ZNF143: variants seen among roughly 807,000 people sequenced by gnomAD.
ZNF143 encodes zinc finger protein 143.
In ZNF143, 49 loss-of-function variants were observed where a neutral mutation model predicts 74.1. The observed-to-expected ratio is 0.66, with a 90% confidence interval of 0.53 to 0.84. The LOEUF (loss-of-function observed/expected upper bound fraction) is 0.84. Ranked by LOEUF, ZNF143 falls within the 40% of genes least tolerant of loss-of-function variation. The probability of loss-of-function intolerance (pLI) is 0.00; values close to 1 mark genes in which losing one functional copy is unlikely to be tolerated. For missense variants in ZNF143, 637 were observed against 793.4 expected (o/e 0.80, Z 2.37); for synonymous variants, 304 against 282.8 (o/e 1.07, Z -0.75).
Position 9,483,185 on chromosome 11 carries a change from G to A in ZNF143, c.645+3639G>A, listed in dbSNP as rs1847317460. On this transcript the variant is annotated intron_variant, in intron 7 of 15. Transcript: ENST00000396602. ...ATTTTTGTATTTTTAGTAGAGATGA[G>A]GTTTCGTCATGTTGACCAGGTTGGT... 1.3e-5 allele frequency among the ~76,000 whole-genome samples: 2 copies of A among 149,228 alleles called. 1 individual carries two copies. The highest frequency in any genetic ancestry group is 5.0e-5 in the African/African-American group (2 of 39,880).
chr11:9,474,516 A>G, intron 4 of ZNF143, 34 bp from the exon 5 acceptor site: 1 of 1,610,010 alleles, frequency 6.2e-7, no homozygotes, highest in Non-Finnish European at 8.5e-7. Flanking sequence ...TGTGCTAGAA[A>G]ACATGAGATC....
In ZNF143 at chr11:9,525,255, C is replaced by T; in HGVS notation, c.1702C>T (p.Gln568Ter). ...TEGEQVAIVA[Q>*]DLAAFHTASS... ...TTTGCTTAAGGTTGCAATTGTAGCT[C>T]AAGACTTGGCAGCATTCCATACTGC... The change falls in exon 15 of 16, where the codon CAA (glutamine) becomes TAA (stop). Residue 568 changes from glutamine to a stop codon, truncating the protein, a stop_gained. Transcript: ENST00000396602. LOFTEE classifies it high-confidence loss of function. 1 of 1,614,114 alleles carries T rather than the reference C, an allele frequency of 6.2e-7. No individual in the cohort carries two copies. Among genetic ancestry groups the T allele is most frequent in the Non-Finnish European group, 8.5e-7 (1 of 1,180,014 alleles).
chr11:9,474,014 A>G lies in ZNF143; in HGVS notation c.279A>G (p.Ile93Met). 1 of 1,611,954 alleles carries G rather than the reference A, an allele frequency of 6.2e-7. No individual in the cohort carries two copies. Among genetic ancestry groups the G allele is most frequent in the Non-Finnish European group, 8.5e-7 (1 of 1,178,220 alleles). The change falls in exon 4 of 16, where the codon ATA (isoleucine) becomes ATG (methionine). Residue 93 changes from isoleucine to methionine, a missense_variant. Physicochemically the swap from Ile to Met is conservative, Grantham distance 10. Around this residue, in one of 2 missense-constraint regions of ZNF143, gnomAD observed 293 missense variants for 307.8 expected, o/e 0.95. Transcript: ENST00000396602. ...CGGCCTATGTTCAACATGTACCCAT[A>G]CCTAAAAGTAGTAAGTATTTAAGAT... ...GSAAYVQHVP[I>M]PKSTGDSLRL...
intron 1 of ZNF143, among the ~76,000 whole-genome samples, chr11:9,462,698 AC>A (rs1468945213): frequency 1.3e-5 from 2 of 151,796 alleles, no homozygotes; most frequent in African/African-American, 2.4e-5. Flanking sequence ...ACGTGGTGAA[AC>A]CCCCGTCTCT....
chr11:9,521,556 C>A (rs1320218830), intron 14 of ZNF143, among the ~76,000 whole-genome samples: 2 of 150,460 alleles, frequency 1.3e-5, no homozygotes, highest in South Asian at 4.2e-4. Flanking sequence ...TTTCTTTTTG[C>A]GGAGGTTTTT....
rs544497040 is a variant in ZNF143, at chr11:9,485,347, C to CTTT, written c.645+5820_645+5822dup. Among the ~76,000 whole-genome samples, 706 of 110,414 alleles carry CTTT rather than the reference C, an allele frequency of 6.4e-3. 2 individuals are homozygous for CTTT. The highest frequency in any genetic ancestry group is 9.4e-3 in the Non-Finnish European group (504 of 53,450). The allele number at this position is 110,414 out of a possible 152,430, so 72.4% of individuals were successfully genotyped here. A position where few individuals can be genotyped will look rare whatever the true frequency, so the allele number is the denominator to read the frequency against. On this transcript the variant is annotated intron_variant, in intron 7 of 15. Transcript: ENST00000396602. ...TTTGTTGTTGTTTTTTTCTCTCTCTCTTTTTTTTTTTTTTTTTTTTTGAGA... is the reference window on the plus strand; with the variant it reads ...TTTGTTGTTGTTTTTTTCTCTCTCTCTTTTTTTTTTTTTTTTTTTTTTTTGAGA...
chr11:9,462,629 T>A (rs1047088853), intron 1 of ZNF143, among the ~76,000 whole-genome samples: 3 of 151,906 alleles, frequency 2.0e-5, no homozygotes, highest in Non-Finnish European at 2.9e-5. Context: ...ATCTCAGCAC[T>A]TTGGGAGGCC....
intron 5 of ZNF143, among the ~76,000 whole-genome samples, chr11:9,477,758 C>A (rs1163330707): frequency 6.6e-6 from 1 of 152,134 alleles, no homozygotes; most frequent in Non-Finnish European, 1.5e-5. Context: ...GACATGAGTT[C>A]AAATCCTGAT....
intron 2 of ZNF143, 132 bp from the exon 3 acceptor site, chr11:9,472,545 C>T: frequency 1.3e-6 from 1 of 763,404 alleles, no homozygotes; most frequent in South Asian, 1.7e-5. Context: ...AGCCACTGCA[C>T]CCGGCCGCTA....
intron 12 of ZNF143, among the ~76,000 whole-genome samples, chr11:9,510,940 A>G (rs1848518499): frequency 6.6e-6 from 1 of 152,040 alleles, no homozygotes; most frequent in Non-Finnish European, 1.5e-5. Context: ...AATATGCCAT[A>G]CATTGTCTTT....
chr11:9,522,620 A>G (rs576457173), intron 14 of ZNF143, among the ~76,000 whole-genome samples: 4 of 152,230 alleles, frequency 2.6e-5, no homozygotes, highest in African/African-American at 9.6e-5. Context: ...CAGCCTCCCA[A>G]GTAGCTGGGA....
chr11:9,469,779 C>T (rs567558933), intron 1 of ZNF143, among the ~76,000 whole-genome samples: 16 of 152,148 alleles, frequency 1.1e-4, no homozygotes, highest in Non-Finnish European at 1.6e-4. Context: ...AACTCCTGAC[C>T]TCAGGTGATC....
intron 7 of ZNF143, among the ~76,000 whole-genome samples, chr11:9,486,395 T>A (rs1397311687): frequency 4.7e-5 from 1 of 21,164 alleles, no homozygotes; most frequent in Non-Finnish European, 7.9e-5. Flanking sequence ...ATAATATATA[T>A]AATATATTAT....
chr11:9,474,422 G>T (rs183172443), intron 4 of ZNF143, 128 bp from the exon 5 acceptor site: 199 of 908,296 alleles, frequency 2.2e-4, no homozygotes, highest in Admixed American at 5.7e-4. Context: ...TTACTTAAAT[G>T]TTCAAAGACT....
intron 7 of ZNF143, among the ~76,000 whole-genome samples, chr11:9,483,668 G>A (rs1221142194): frequency 6.6e-6 from 1 of 150,544 alleles, no homozygotes; most frequent in Non-Finnish European, 1.5e-5. Context: ...CAATGGTGCA[G>A]TGTTGGTTCA....
intron 12 of ZNF143, among the ~76,000 whole-genome samples, chr11:9,509,052 A>G (rs1188628634): frequency 6.6e-6 from 1 of 152,222 alleles, no homozygotes; most frequent in African/African-American, 2.4e-5. Flanking sequence ...TGGGAGGTCA[A>G]GGAAGGGATT....
At chr11:9,478,720 A>C in intron 6 of ZNF143, 134 bp downstream of exon 6, 2 of 930,726 alleles carry the variant, frequency 2.1e-6, no homozygotes, top group Non-Finnish European at 3.1e-6. Context: ...GTGATGGCTC[A>C]CGCCTATAAC....
intron 1 of ZNF143, chr11:9,463,780 A>C (rs147730935): frequency 6.6e-6 from 1 of 151,028 alleles, no homozygotes; most frequent in Admixed American, 6.6e-5. Context: ...GAAACGTGGC[A>C]TGGCTGCATT....
intron 1 of ZNF143, chr11:9,461,826 C>T (rs1855874477): frequency 2.6e-5 from 4 of 152,012 alleles, no homozygotes; most frequent in Admixed American, 2.6e-4. Flanking sequence ...TTGTTTTTTC[C>T]ACATAATAAC....
Sources: gnomAD v4.1 joint callset for allele counts (sites outside exome capture counted in the v4.1 genomes callset) on GRCh38, gnomAD v4.1.1 for gene constraint, gnomAD v4.1.1 regional missense constraint, MANE v1.5 for transcripts, NCBI Gene and HGNC (gene_info 2026-07-23, HGNC 2026-07-21) for gene names.